The following FLT3 variants were observed in gnomAD, a reference collection of about 807,000 sequenced individuals.
FLT3 encodes the protein fms related receptor tyrosine kinase 3.
FLT3 carries 46 observed loss-of-function variants against 126.6 expected under a neutral mutation model. The ratio of observed to expected loss-of-function variants is 0.36; its 90% CI spans 0.29 to 0.46. The LOEUF (loss-of-function observed/expected upper bound fraction) is 0.46. FLT3 is among the 20% of genes least tolerant of loss of function. The probability of loss-of-function intolerance (pLI) is 1.00; values close to 1 mark genes in which losing one functional copy is unlikely to be tolerated. For synonymous variants in FLT3, 404 were observed against 434.4 expected (o/e 0.93, Z 0.87); for missense variants, 1,069 against 1,190.3 (o/e 0.90, Z 1.50).
In FLT3 at chr13:28,034,305, T is replaced by C; in HGVS notation, c.1700A>G (p.Lys567Arg). Residue 567 changes from lysine to arginine, a missense_variant, in exon 13 of 24, where the codon AAA becomes AGA. Lys to Arg is a conservative substitution (Grantham distance 26). Coordinates refer to ENST00000241453, the MANE Select transcript of FLT3 (RefSeq NM_004119.3). ...VLTLLICHKY[K>R]KQFRYESQLQ... ...AATTTTTACCTTTGCTTTTACCTTT[T>C]TGTACTTGTGACAAATTAGCAGGGT... 2 of 1,613,674 alleles carry C rather than the reference T, an allele frequency of 1.2e-6. No individual in the cohort carries two copies. Among genetic ancestry groups the C allele is most frequent in the Non-Finnish European group, 1.7e-6 (2 of 1,179,578 alleles).
chr13:28,064,529 A>G (rs550754524), intron 2 of FLT3, among the ~76,000 whole-genome samples: 155 of 152,254 alleles, frequency 1.0e-3, no homozygotes, highest in Non-Finnish European at 1.8e-3. Flanking sequence ...CCAAGATGGC[A>G]CTACTGTACT....
At chr13:28,078,676 G>T (rs1395674729) in intron 1 of FLT3, among the ~76,000 whole-genome samples, 5 of 151,834 alleles carry the variant, frequency 3.3e-5, no homozygotes, top group African/African-American at 1.2e-4. Context: ...AATTTCTGCA[G>T]CAGCTAGAAT....
In FLT3 at chr13:28,048,447, T is replaced by C. The variant is rs760605631; in HGVS notation, c.1037-4A>G. 6.4e-7 allele frequency: 1 copy of C among 1,560,622 alleles called. No homozygotes were observed. The highest frequency in any genetic ancestry group is 1.7e-5 in the Admixed American group (1 of 57,540). On this transcript the variant is annotated splice_polypyrimidine_tract_variant and splice_region_variant and intron_variant, in intron 8 of 23. Coordinates refer to ENST00000241453, the MANE Select transcript of FLT3 (RefSeq NM_004119.3). ...GTAGCATTTATAAATCCCTTTTCTG[T>C]AAGAAAAAATAGGCATTTATGAGTT...
chr13:28,082,521 G>C (rs1389760529), intron 1 of FLT3, among the ~76,000 whole-genome samples: 1 of 150,558 alleles, frequency 6.6e-6, no homozygotes, highest in Admixed American at 6.6e-5. Context: ...TTTGAGACAT[G>C]ATCTCACTGT....
rs186363376 is a variant in FLT3 at position 28,051,630 on chromosome 13, T to C, written c.614+915A>G. 8.7e-3 allele frequency among the ~76,000 whole-genome samples: 1,289 copies of C among 148,342 alleles called. 18 individuals are homozygous for C. Among genetic ancestry groups the C allele is most frequent in the African/African-American group, 0.03 (1,213 of 39,936 alleles). ...CGCGATCTCGGCTTACTGCAAGCTC[T>C]GCCTCCCAGGTTCACGCCATTCTCC... On this transcript the variant is annotated intron_variant, in intron 5 of 23. Transcript: ENST00000241453.
chr13:28,057,224 A>T, intron 4 of FLT3, 123 bp downstream of exon 4: 1 of 661,434 alleles, frequency 1.5e-6, no homozygotes, highest in South Asian at 1.6e-5. Context: ...TAATCAATCC[A>T]ACTACGTATC....
chr13:28,021,549 T>C lies in FLT3; in HGVS notation c.2418+1801A>G, dbSNP rs1235016201. 3.9e-5 allele frequency among the ~76,000 whole-genome samples: 6 copies of C among 152,264 alleles called. No homozygotes were observed. In the East Asian group the frequency reaches 9.7e-4, roughly 24 times the overall value. Reference sequence around the variant, plus strand: ...CTCGCAGTTCAGAGGTGTGGAAATATTACTGTGACAGTAATTTTTTAAAAC... The same window carrying C: ...CTCGCAGTTCAGAGGTGTGGAAATACTACTGTGACAGTAATTTTTTAAAAC... On this transcript the variant is annotated intron_variant, in intron 19 of 23. Transcript: ENST00000241453.
At chr13:28,098,765 C>T (rs1239958937) in intron 1 of FLT3, among the ~76,000 whole-genome samples, 3 of 147,984 alleles carry the variant, frequency 2.0e-5, no homozygotes, top group East Asian at 1.9e-4. Flanking sequence ...ATTCATACCA[C>T]GGAATGGTAC....
At chr13:28,011,900 C>A (rs1447787985) in intron 23 of FLT3, among the ~76,000 whole-genome samples, 2 of 151,956 alleles carry the variant, frequency 1.3e-5, no homozygotes, top group Non-Finnish European at 2.9e-5. Context: ...CAGGTTCAAG[C>A]GATTCTTCTG....
intron 15 of FLT3, among the ~76,000 whole-genome samples, chr13:28,032,601 CTG>C (rs2137668387): frequency 6.6e-6 from 1 of 152,146 alleles, no homozygotes; most frequent in East Asian, 1.9e-4. Flanking sequence ...CAGAGCAAGG[CTG>C]TGTTTCAAAA....
At position 28,033,942 on chromosome 13, in the gene FLT3, A is replaced by G. The variant is rs2137672974; in HGVS notation, c.1887T>C (p.Ala629=). Residue 629 remains alanine, a synonymous_variant, in exon 15 of 24, where the codon GCT becomes GCC. Transcript: ENST00000241453. ...AGACTCCTGTTTTGCTAATTCCATA[A>G]GCTGTTGCGTTCATCACTTTTCCAA... is the stretch of plus-strand genomic sequence containing the variant. ...GAFGKVMNAT[A]YGISKTGVSI... The G allele has an allele frequency of 6.2e-7, 1 of 1,614,198 alleles. No homozygotes were observed. The highest frequency in any genetic ancestry group is 8.5e-7 in the Non-Finnish European group (1 of 1,180,044).
chr13:28,045,934 CAAAAA>C (rs57916548), intron 9 of FLT3, among the ~76,000 whole-genome samples: 19,842 of 122,728 alleles, frequency 0.16, 1,533 homozygotes, highest in South Asian at 0.25. Context: ...CAATGGTTCT[CAAAAA>C]AAAAAAAAAA....
In FLT3 at chr13:28,100,517, C is replaced by T. The variant is rs879479617; in HGVS notation, c.-7G>A. The T allele has an allele frequency of 5.8e-6, 7 of 1,214,814 alleles. No homozygotes were observed. The highest frequency in any genetic ancestry group is 7.2e-6 in the Non-Finnish European group (7 of 976,996). The allele number at this position is 1,214,814 out of a possible 1,614,324, so 75.3% of individuals were successfully genotyped here. A position where few individuals can be genotyped will look rare whatever the true frequency, so the allele number is the denominator to read the frequency against. On this transcript the variant is annotated 5_prime_UTR_variant, in exon 1 of 24. Transcript: ENST00000241453. This position sits in a 1 kb window ranked among gnomAD's most constrained non-coding sequence, Gnocchi z 4.8. Reference sequence around the variant, plus strand: ...CGCGCGCCAACGCCGGCATGGCCTCCGGAGCCCGGGGTCCCCAGGCCGCGC... The same window carrying T: ...CGCGCGCCAACGCCGGCATGGCCTCTGGAGCCCGGGGTCCCCAGGCCGCGC...
At chr13:28,037,333 G>T (rs1307139086) in intron 9 of FLT3, 45 bp from the exon 10 acceptor site, 1 of 1,147,400 alleles carries the variant, frequency 8.7e-7, no homozygotes, top group African/African-American at 1.5e-5. Flanking sequence ...AATTGCTACA[G>T]GAGATGCTGC....
chr13:28,087,761 G>A (rs970055356), intron 1 of FLT3, among the ~76,000 whole-genome samples: 3 of 151,982 alleles, frequency 2.0e-5, no homozygotes, highest in Admixed American at 6.6e-5. Context: ...TTGCTATGCC[G>A]CCAAGTCCAC....
intron 1 of FLT3, among the ~76,000 whole-genome samples, chr13:28,091,281 G>T (rs1232146100): frequency 3.0e-5 from 4 of 131,302 alleles, no homozygotes; most frequent in Non-Finnish European, 6.2e-5. Context: ...GAGTGCAGTG[G>T]CGCGATCTCG....
chr13:28,067,688 T>C (rs1049745069), intron 2 of FLT3: 1 of 154,456 alleles, frequency 6.5e-6, no homozygotes, highest in East Asian at 1.9e-4. Flanking sequence ...AATGAGGACA[T>C]GAAATCACTA....
chr13:28,073,850 G>A (rs866632588), intron 1 of FLT3, among the ~76,000 whole-genome samples: 1 of 151,150 alleles, frequency 6.6e-6, no homozygotes, highest in Non-Finnish European at 1.5e-5. Flanking sequence ...TGAAGTGGGA[G>A]GATAGCTTGA....
Position 28,015,570 on chromosome 13 carries a change from C to T in FLT3, c.2653+20G>A. 3 of 1,478,468 alleles carry T rather than the reference C, an allele frequency of 2.0e-6. No individual in the cohort carries two copies. Among genetic ancestry groups the T allele is most frequent in the Non-Finnish European group, 1.9e-6 (2 of 1,059,212 alleles). The allele number at this position is 1,478,468 out of a possible 1,614,324, so 91.6% of individuals were successfully genotyped here. A position where few individuals can be genotyped will look rare whatever the true frequency, so the allele number is the denominator to read the frequency against. On this transcript the variant is annotated intron_variant, in intron 21 of 23. Coordinates refer to ENST00000241453, the MANE Select transcript of FLT3 (RefSeq NM_004119.3). Reference sequence around the variant, plus strand: ...ATGCAAAGCCAGGAGCCAAGGGAGGCCAGCAGCTGCCCAACTTACCAAGTG... The same window carrying T: ...ATGCAAAGCCAGGAGCCAAGGGAGGTCAGCAGCTGCCCAACTTACCAAGTG...
Sources: allele counts gnomAD v4.1 joint callset (sites outside exome capture counted in the v4.1 genomes callset), GRCh38; gene constraint gnomAD v4.1.1; non-coding constraint Gnocchi (gnomAD v3.1); transcripts MANE v1.5; gene names NCBI Gene and HGNC (gene_info 2026-07-23, HGNC 2026-07-21).